The following SYT14 variants were observed in gnomAD, a reference collection of about 807,000 sequenced individuals.
SYT14 encodes synaptotagmin-14.
SYT14 carries 32 observed loss-of-function variants against 74.2 expected under a neutral mutation model. The observed-to-expected ratio is 0.43, with a 90% CI of 0.33 to 0.58. The LOEUF is 0.58. Ranked by LOEUF, SYT14 falls within the 20% of genes least tolerant of loss-of-function variation. The pLI, the probability that SYT14 is intolerant of heterozygous loss-of-function variation, is 0.05. For synonymous variants in SYT14, 298 were observed against 337.7 expected (o/e 0.88, Z 1.29); for missense variants, 791 against 981.8 (o/e 0.81, Z 2.60).
chr1:210,097,128 T>A (rs1354018990), intron 6 of SYT14, among the ~76,000 whole-genome samples: 3 of 152,244 alleles, frequency 2.0e-5, no homozygotes, highest in Non-Finnish European at 4.4e-5. Context: ...TATTTAGATG[T>A]GAATGCCGAT....
At chr1:209,991,802 C>A (rs968258909) in intron 2 of SYT14, among the ~76,000 whole-genome samples, 2 of 151,586 alleles carry the variant, frequency 1.3e-5, no homozygotes, top group Admixed American at 6.6e-5. Flanking sequence ...TGCACTCCAG[C>A]CTGGGCGATA....
At chr1:209,978,853 C>A (rs868300938) in intron 2 of SYT14, among the ~76,000 whole-genome samples, 1 of 152,234 alleles carries the variant, frequency 6.6e-6, no homozygotes, top group Non-Finnish European at 1.5e-5. Flanking sequence ...TGGGCTCCAC[C>A]CAGTTCGAGC....
intron 5 of SYT14, 138 bp from the exon 5 acceptor site, chr1:210,094,184 G>T: frequency 8.9e-7 from 1 of 1,122,060 alleles, no homozygotes; most frequent in Non-Finnish European, 1.3e-6. Context: ...GGGAAAAAGA[G>T]AAGTCATTAG....
At chr1:210,019,225 T>A (rs1572166923) in intron 4 of SYT14, among the ~76,000 whole-genome samples, 1 of 151,848 alleles carries the variant, frequency 6.6e-6, no homozygotes, top group South Asian at 2.1e-4. Flanking sequence ...AGGTGAAGTT[T>A]GACCACAGAC....
intron 5 of SYT14, among the ~76,000 whole-genome samples, chr1:210,089,968 A>G (rs1572280599): frequency 6.6e-6 from 1 of 152,318 alleles, no homozygotes; most frequent in East Asian, 1.9e-4. Flanking sequence ...ACTTGGCTAC[A>G]TCCTATGTAA....
intron 7 of SYT14, among the ~76,000 whole-genome samples, chr1:210,143,472 A>T (rs2082962567): frequency 6.6e-6 from 1 of 152,166 alleles, no homozygotes; most frequent in Non-Finnish European, 1.5e-5. Context: ...GGAGTATATT[A>T]TATTCATTTG....
intron 5 of SYT14, among the ~76,000 whole-genome samples, chr1:210,065,698 A>C (rs2081282770): frequency 6.6e-6 from 1 of 152,078 alleles, no homozygotes; most frequent in Admixed American, 6.6e-5. Context: ...AATGAAATGT[A>C]TGTAAATATA....
rs1376718747 is a variant in SYT14 at position 210,152,939 on chromosome 1, C to T, written c.2035-2782C>T. 5.3e-5 allele frequency among the ~76,000 whole-genome samples: 8 copies of T among 152,122 alleles called. No individual in the cohort carries two copies. In the East Asian group the frequency reaches 1.2e-3, roughly 22 times the overall value. ...GCAGCTGGTATCCTTTTGGGCCCAA[C>T]ATGTTTTACTTAAAATCACATTTGT... On this transcript the variant is annotated intron_variant, in intron 7 of 9. Coordinates refer to ENST00000637265, the Ensembl canonical transcript of SYT14.
At chr1:210,056,372 T>C (rs980226413) in intron 5 of SYT14, among the ~76,000 whole-genome samples, 1 of 152,108 alleles carries the variant, frequency 6.6e-6, no homozygotes, top group Non-Finnish European at 1.5e-5. Flanking sequence ...TAAGGGGTTC[T>C]GTGGATCCTT....
intron 2 of SYT14, among the ~76,000 whole-genome samples, chr1:209,980,668 C>A (rs1338986385): frequency 2.6e-5 from 4 of 152,172 alleles, no homozygotes; most frequent in Admixed American, 1.3e-4. Context: ...CTGCATATGG[C>A]TAGCCAGTTC....
Position 210,085,382 on chromosome 1 carries a change from G to A in SYT14, c.1313-8940G>A, listed in dbSNP as rs549504828. Among the ~76,000 whole-genome samples, 193 of 152,074 alleles carry A rather than the reference G, an allele frequency of 1.3e-3. 5 individuals carry two copies. Among genetic ancestry groups the A allele is most frequent in the Middle Eastern group, 3.4e-3 (1 of 294 alleles). ...TACATCTTCTTTTTCTCCCCTTATT[G>A]CCCTGGCTAGGACCTTTAATACATT... On this transcript the variant is annotated intron_variant, in intron 5 of 9. Coordinates refer to ENST00000637265, the Ensembl canonical transcript of SYT14.
intron 4 of SYT14, 128 bp from the exon 4 acceptor site, chr1:210,020,911 A>G (rs2080287844): frequency 1.4e-6 from 1 of 725,062 alleles, no homozygotes; most frequent in Non-Finnish European, 2.4e-6. Context: ...GTGTTTATAT[A>G]TATAACTTCA....
At chr1:210,130,383 G>A in intron 7 of SYT14, among the ~76,000 whole-genome samples, 1 of 152,052 alleles carries the variant, frequency 6.6e-6, no homozygotes, top group Non-Finnish European at 1.5e-5. Context: ...TTTTTTTCCA[G>A]TGTTCATTGT....
intron 5 of SYT14, among the ~76,000 whole-genome samples, chr1:210,024,958 T>C (rs1208516774): frequency 1.3e-5 from 2 of 152,174 alleles, no homozygotes; most frequent in African/African-American, 4.8e-5. Context: ...ATTAGAGTTT[T>C]AGGAGAGTAA....
At chr1:210,107,718 T>G (rs2082185038) in intron 7 of SYT14, among the ~76,000 whole-genome samples, 1 of 152,224 alleles carries the variant, frequency 6.6e-6, no homozygotes, top group African/African-American at 2.4e-5. Flanking sequence ...ATTAAATTTA[T>G]GTAAGGTAAA....
intron 2 of SYT14, among the ~76,000 whole-genome samples, chr1:209,962,170 ATAATT>A (rs1237267952): frequency 6.6e-6 from 1 of 152,012 alleles, no homozygotes; most frequent in South Asian, 2.1e-4. Context: ...TTCTCAGTGT[ATAATT>A]TAGTTTTAAT....
At chr1:210,126,655 C>T (rs140815901) in intron 7 of SYT14, among the ~76,000 whole-genome samples, 1 of 152,086 alleles carries the variant, frequency 6.6e-6, no homozygotes, top group Admixed American at 6.5e-5. Context: ...AAAAATACAA[C>T]GTAAAGTAGA....
intron 7 of SYT14, among the ~76,000 whole-genome samples, chr1:210,121,312 C>A (rs772968286): frequency 1.5e-4 from 23 of 152,062 alleles, no homozygotes; most frequent in Non-Finnish European, 3.1e-4. Context: ...TAATTAGATA[C>A]TAGTCCGCAA....
In SYT14 at chr1:210,159,254, A is replaced by G; in HGVS notation, c.2225-167A>G. 7 of 705,944 alleles carry G rather than the reference A, an allele frequency of 9.9e-6. No individual in the cohort carries two copies. The South Asian group carries it at 1.0e-4, about 10-fold the overall frequency. The allele number at this position is 705,944 out of a possible 1,614,324, so 43.7% of individuals were successfully genotyped here. A position where few individuals can be genotyped will look rare whatever the true frequency, so the allele number is the denominator to read the frequency against. ...ATTCTCATCCCATTAAATTTACCCA[A>G]CATCCTTTTTGTTCAATCCTCTATC... is the stretch of plus-strand genomic sequence containing the variant. On this transcript the variant is annotated intron_variant, in intron 8 of 9. Transcript: ENST00000637265.
Sources: gnomAD v4.1 joint callset for allele counts (sites outside exome capture counted in the v4.1 genomes callset) on GRCh38, gnomAD v4.1.1 for gene constraint, MANE v1.5 for transcripts, NCBI Gene and HGNC (gene_info 2026-07-23, HGNC 2026-07-21) for gene names.